ZBTB20: variants seen among roughly 807,000 people sequenced by gnomAD.
The protein encoded by ZBTB20 is zinc finger and BTB domain containing 20.
A neutral mutation model predicts 56.9 loss-of-function variants in ZBTB20; 9 were observed. The ratio of observed to expected loss-of-function variants is 0.16; its 90% confidence interval spans 0.10 to 0.28. The LOEUF (loss-of-function observed/expected upper bound fraction) is 0.28. ZBTB20 is among the 10% of genes least tolerant of loss of function. The pLI, the probability that ZBTB20 is intolerant of heterozygous loss-of-function variation, is 1.00. For synonymous variants in ZBTB20, 417 were observed against 420.7 expected (o/e 0.99, Z 0.11); for missense variants, 655 against 1,003.0 (o/e 0.65, Z 4.69).
At chr3:114,592,657 T>C (rs1374018699) in intron 6 of ZBTB20, among the ~76,000 whole-genome samples, 2 of 152,232 alleles carry the variant, frequency 1.3e-5, no homozygotes, top group Non-Finnish European at 2.9e-5. Flanking sequence ...ACTAACTTAC[T>C]TTTAAATTTC....
In ZBTB20 at chr3:114,339,874, G is replaced by A. The variant is rs1382708974; in HGVS notation, c.1805-448C>T. ...AGACATGGGGTGCTCTAGAATCCTT[G>A]AGAACTAAGGATATTGGTCACTATA... On this transcript the variant is annotated intron_variant, in intron 11 of 11. Coordinates refer to ENST00000675478, the MANE Select transcript of ZBTB20 (RefSeq NM_001348800.3). The surrounding 1 kb of genome is among the most constrained non-coding windows in gnomAD (Gnocchi z 4.2). Among the ~76,000 whole-genome samples, 1 of 152,204 alleles carries A rather than the reference G, an allele frequency of 6.6e-6. No homozygotes were observed. Among genetic ancestry groups the A allele is most frequent in the East Asian group, 1.9e-4 (1 of 5,200 alleles).
chr3:114,816,619 T>C (rs908782058), intron 4 of ZBTB20, among the ~76,000 whole-genome samples: 4 of 152,192 alleles, frequency 2.6e-5, no homozygotes, highest in Non-Finnish European at 4.4e-5. Context: ...AATAAAAATC[T>C]CATGAAAGCC....
rs1160730793 is a variant in ZBTB20, at chr3:114,318,308, CCCACAG to C, written c.*20691_*20696del. The C allele has an allele frequency of 2.0e-5, 3 of 152,258 alleles. No individual in the cohort carries two copies. The highest frequency in any genetic ancestry group is 7.2e-5 in the African/African-American group (3 of 41,444). 9.4% of individuals were successfully genotyped at this position (152,258 alleles called of 1,614,324 possible). ...TGAGGGCTGGGGGGCCTTCACACCA[CCCACAG>C]CCATTTCCCTCCTTTGGGTCCCTGC... is the stretch of plus-strand genomic sequence containing the variant. On this transcript the variant is annotated 3_prime_UTR_variant, in exon 12 of 12. Coordinates refer to ENST00000675478, the MANE Select transcript of ZBTB20 (RefSeq NM_001348800.3).
intron 2 of ZBTB20, among the ~76,000 whole-genome samples, chr3:114,993,640 A>T (rs2078910721): frequency 6.6e-6 from 1 of 151,838 alleles, no homozygotes; most frequent in Non-Finnish European, 1.5e-5. Flanking sequence ...TTTAGAAACT[A>T]AAAAAACATT....
chr3:114,899,388 C>T (rs773975870), intron 4 of ZBTB20, among the ~76,000 whole-genome samples: 8 of 152,196 alleles, frequency 5.3e-5, no homozygotes, highest in South Asian at 4.1e-4. Context: ...GCTGCCAACA[C>T]GGTGAAATTG....
At chr3:114,967,727 C>T (rs1267458922) in intron 3 of ZBTB20, among the ~76,000 whole-genome samples, 6 of 151,998 alleles carry the variant, frequency 3.9e-5, no homozygotes, top group African/African-American at 7.2e-5. Flanking sequence ...GAGGCCGAAG[C>T]GGGTGGATCA....
chr3:115,090,446 T>G (rs1365171267), intron 1 of ZBTB20, among the ~76,000 whole-genome samples: 1 of 151,756 alleles, frequency 6.6e-6, no homozygotes, highest in East Asian at 1.9e-4. Flanking sequence ...GGTAAAAATT[T>G]TATCTAAAGA....
At chr3:114,375,689 C>G (rs949122188) in intron 10 of ZBTB20, 12 of 152,352 alleles carry the variant, frequency 7.9e-5, no homozygotes, top group African/African-American at 2.9e-4. Context: ...GGCTCGTTAT[C>G]AGGGACTAAA....
At chr3:114,454,052 G>A (rs2091820540) in intron 7 of ZBTB20, among the ~76,000 whole-genome samples, 2 of 149,542 alleles carry the variant, frequency 1.3e-5, no homozygotes. Context: ...CTGGGAGCCA[G>A]AAACCCTCCC....
intron 5 of ZBTB20, among the ~76,000 whole-genome samples, chr3:114,715,085 T>C (rs2064369672): frequency 6.6e-6 from 1 of 152,222 alleles, no homozygotes; most frequent in Non-Finnish European, 1.5e-5. Context: ...CCTTAATAAG[T>C]CATTCACTCA....
intron 7 of ZBTB20, among the ~76,000 whole-genome samples, chr3:114,498,251 A>G (rs899261355): frequency 1.2e-4 from 18 of 152,162 alleles, no homozygotes; most frequent in Non-Finnish European, 1.9e-4. Flanking sequence ...ATGGAATGGG[A>G]AATTCTTGGG....
intron 2 of ZBTB20, among the ~76,000 whole-genome samples, chr3:115,006,972 T>C (rs1451253538): frequency 6.6e-6 from 1 of 151,894 alleles, no homozygotes; most frequent in Non-Finnish European, 1.5e-5. Flanking sequence ...TGATTTAATG[T>C]AGCAATACCA....
rs199771910 is a variant in ZBTB20 at position 114,889,859 on chromosome 3, AG to A, written c.-417+10444del. On this transcript the variant is annotated intron_variant, in intron 4 of 11. Transcript: ENST00000675478. ...GCAAATAATAAGTGGTAGAAAAAAA[AG>A]GATCTATACAGAAGACCATATTTTA... 1.3e-3 allele frequency among the ~76,000 whole-genome samples: 205 copies of A among 152,314 alleles called. 1 individual carries two copies. The East Asian group carries it at 0.015, about 11-fold the overall frequency.
chr3:114,661,904 CT>C (rs929789618), intron 6 of ZBTB20, among the ~76,000 whole-genome samples: 76 of 148,716 alleles, frequency 5.1e-4, no homozygotes, highest in Non-Finnish European at 6.2e-4. Flanking sequence ...TTTTGCTTCT[CT>C]TTTTTTTTTT....
At chr3:114,643,586 A>G (rs2059674536) in intron 6 of ZBTB20, among the ~76,000 whole-genome samples, 1 of 152,114 alleles carries the variant, frequency 6.6e-6, no homozygotes, top group South Asian at 2.1e-4. Context: ...AGTACTAGAC[A>G]TGTTTTCCTG....
rs1222017208 is a variant in ZBTB20 at position 114,338,321 on chromosome 3, G to A, written c.*684C>T. On this transcript the variant is annotated 3_prime_UTR_variant, in exon 12 of 12. Coordinates refer to ENST00000675478, the MANE Select transcript of ZBTB20 (RefSeq NM_001348800.3). The stretch of plus-strand genomic sequence containing the variant: ...GCTTCTGCTGCAAGAGGGGGATATG[G>A]AGAAGGTGGGCCAGGGTGTGTGGAC... The A allele has an allele frequency of 6.6e-6, 1 of 152,218 alleles. No individual in the cohort carries two copies. The highest frequency in any genetic ancestry group is 2.4e-5 in the African/African-American group (1 of 41,424). The allele number at this position is 152,218 out of a possible 1,614,324, so 9.4% of individuals were successfully genotyped here.
intron 3 of ZBTB20, among the ~76,000 whole-genome samples, chr3:114,921,814 G>A (rs1576331599): frequency 6.6e-6 from 1 of 152,056 alleles, no homozygotes; most frequent in African/African-American, 2.4e-5. Context: ...GCATGCATAT[G>A]TAACAAACCT....
Position 115,006,225 on chromosome 3 carries a change from A to G in ZBTB20, c.-506-31809T>C, listed in dbSNP as rs574350263. On this transcript the variant is annotated intron_variant, in intron 2 of 11. Transcript: ENST00000675478. ...ACTGTCAGAAAAAAATAACTTCTTTATGTACAATGAACTAGTTTGCTTGTT... is the reference window on the plus strand; with the variant it reads ...ACTGTCAGAAAAAAATAACTTCTTTGTGTACAATGAACTAGTTTGCTTGTT... Among the ~76,000 whole-genome samples the G allele has an allele frequency of 2.0e-5, 3 of 151,650 alleles. No individual in the cohort carries two copies. In the South Asian group the frequency reaches 6.2e-4, roughly 32 times the overall value.
chr3:114,941,464 C>T (rs2076721243), intron 3 of ZBTB20, among the ~76,000 whole-genome samples: 1 of 146,080 alleles, frequency 6.8e-6, no homozygotes, highest in Admixed American at 6.6e-5. Context: ...TCTGTTAAAA[C>T]ACACTTAGGA....
Sources: gnomAD v4.1 joint callset for allele counts (sites outside exome capture counted in the v4.1 genomes callset) on GRCh38, gnomAD v4.1.1 for gene constraint, Gnocchi (gnomAD v3.1) non-coding constraint, MANE v1.5 for transcripts, NCBI Gene and HGNC (gene_info 2026-07-23, HGNC 2026-07-21) for gene names.